The following ACTR1A variants were observed in gnomAD, a reference collection of about 807,000 sequenced individuals.
ACTR1A encodes the protein actin related protein 1A.
A neutral mutation model predicts 50.7 loss-of-function variants in ACTR1A; 10 were observed. The observed-to-expected ratio is 0.20, with a 90% CI of 0.12 to 0.33. ACTR1A has a LOEUF of 0.33. Ranked by LOEUF, ACTR1A falls within the 10% of genes least tolerant of loss-of-function variation. The probability of loss-of-function intolerance (pLI) is 1.00; values close to 1 mark genes in which losing one functional copy is unlikely to be tolerated. For synonymous variants in ACTR1A, 177 were observed against 184.2 expected (o/e 0.96, Z 0.32); for missense variants, 253 against 491.7 (o/e 0.51, Z 4.59).
At chr10:102,493,613 T>A (rs180722905) in intron 1 of ACTR1A, among the ~76,000 whole-genome samples, 57 of 152,346 alleles carry the variant, frequency 3.7e-4, no homozygotes, top group African/African-American at 1.3e-3. Context: ...TGAATGATCA[T>A]CTTCCTATTA....
intron 2 of ACTR1A, 41 bp from the exon 3 acceptor site, chr10:102,489,179 TGACA>T: frequency 2.7e-6 from 4 of 1,464,852 alleles, no homozygotes; most frequent in Non-Finnish European, 3.7e-6. Context: ...TTTCATTTCA[TGACA>T]GAACACAGGA....
chr10:102,502,626 C>T lies in ACTR1A; in HGVS notation c.22G>A (p.Ala8Thr). Residue 8 changes from alanine (A) to threonine (T), a missense_variant, in exon 1 of 11, where the codon GCC becomes ACC. Coordinates refer to ENST00000369905, the MANE Select transcript of ACTR1A (RefSeq NM_005736.4). The stretch of plus-strand genomic sequence containing the variant: ...TTGTCGATCACGACAGGCTGGTTGG[C>T]GATCACATCGTAGGACTCCATGGCA... The part of the protein sequence containing the change: MESYDVI[A>T]NQPVVIDNGS... 1 of 1,614,206 alleles carries T rather than the reference C, an allele frequency of 6.2e-7. No homozygotes were observed. Among genetic ancestry groups the T allele is most frequent in the African/African-American group, 1.3e-5 (1 of 75,052 alleles).
intron 1 of ACTR1A, among the ~76,000 whole-genome samples, chr10:102,491,924 C>T (rs1460924966): frequency 6.8e-6 from 1 of 146,888 alleles, no homozygotes; most frequent in Non-Finnish European, 1.5e-5. Flanking sequence ...CACCAGCATG[C>T]CTGGCTAATT....
At chr10:102,498,635 ATTT>A (rs762412530) in intron 1 of ACTR1A, among the ~76,000 whole-genome samples, 1 of 144,678 alleles carries the variant, frequency 6.9e-6, no homozygotes, top group Admixed American at 6.9e-5. Flanking sequence ...AGCCTGGCTA[ATTT>A]TTTTTTTTTT....
rs1457575601 is a variant in ACTR1A, at chr10:102,488,519, C to T, written c.190-244G>A. Among the ~76,000 whole-genome samples, 1 of 152,198 alleles carries T rather than the reference C, an allele frequency of 6.6e-6. No individual in the cohort carries two copies. The highest frequency in any genetic ancestry group is 2.4e-5 in the African/African-American group (1 of 41,444). ...CAGGGGCTTCTGCATTTCCATGGCCCCTCAGGTGCCTCTAGGGCAAGTGGC... is the reference window on the plus strand; with the variant it reads ...CAGGGGCTTCTGCATTTCCATGGCCTCTCAGGTGCCTCTAGGGCAAGTGGC... On this transcript the variant is annotated intron_variant, in intron 3 of 10. Transcript: ENST00000369905. The surrounding 1 kb of genome is among the most constrained non-coding windows in gnomAD (Gnocchi z 4.4).
chr10:102,501,476 C>G (rs1463691229), intron 1 of ACTR1A, among the ~76,000 whole-genome samples: 1 of 152,212 alleles, frequency 6.6e-6, no homozygotes, highest in African/African-American at 2.4e-5. Flanking sequence ...GGGACACAGA[C>G]AGGGATCAAT....
chr10:102,493,890 G>A (rs2062207015), intron 1 of ACTR1A, among the ~76,000 whole-genome samples: 1 of 152,210 alleles, frequency 6.6e-6, no homozygotes, highest in African/African-American at 2.4e-5. Flanking sequence ...AGGCAGAGGC[G>A]GTTCAGCAAA....
rs377458557 is a variant in ACTR1A, at chr10:102,480,966, C to A, written c.1029-1G>T. On this transcript the variant is annotated splice_acceptor_variant, in intron 10 of 10. Transcript: ENST00000369905. LOFTEE classifies it high-confidence loss of function. ...GTCCAGGGAGGCAAGGATGGAGCCC[C>A]TGGAGGGAGGAAACCCAGAGGAACT... The A allele has an allele frequency of 6.2e-7, 1 of 1,611,940 alleles. No homozygotes were observed. Among genetic ancestry groups the A allele is most frequent in the Non-Finnish European group, 8.5e-7 (1 of 1,178,130 alleles).
At chr10:102,493,544 A>G (rs2062205735) in intron 1 of ACTR1A, among the ~76,000 whole-genome samples, 2 of 152,248 alleles carry the variant, frequency 1.3e-5, no homozygotes, top group Admixed American at 1.3e-4. Context: ...AGCAAAGAGT[A>G]TAAAAAGCCC....
chr10:102,480,588 G>T lies in ACTR1A; in HGVS notation c.*275C>A. On this transcript the variant is annotated 3_prime_UTR_variant, in exon 11 of 11. Coordinates refer to ENST00000369905, the MANE Select transcript of ACTR1A (RefSeq NM_005736.4). ...CGGAGTCCCCCACAGCCAGCCAGAG[G>T]CCACCTGAGGAGGGAGCACAGCCTC... 1 of 479,264 alleles carries T rather than the reference G, an allele frequency of 2.1e-6. No homozygotes were observed. Among genetic ancestry groups the T allele is most frequent in the Non-Finnish European group, 3.8e-6 (1 of 265,410 alleles). The allele number at this position is 479,264 out of a possible 1,614,324, so 29.7% of individuals were successfully genotyped here. A position where few individuals can be genotyped will look rare whatever the true frequency, so the allele number is the denominator to read the frequency against.
At chr10:102,486,101 T>C (rs7898410) in intron 4 of ACTR1A, among the ~76,000 whole-genome samples, 53,577 of 151,918 alleles carry the variant, frequency 0.35, 9,620 homozygotes, top group African/African-American at 0.4. Context: ...GGAACCAGGC[T>C]GCACAGCAGG....
intron 1 of ACTR1A, among the ~76,000 whole-genome samples, chr10:102,497,055 T>C (rs1015320479): frequency 4.0e-5 from 6 of 151,802 alleles, no homozygotes; most frequent in African/African-American, 1.5e-4. Flanking sequence ...GGTGCATGCC[T>C]GTAGTCCCAA....
chr10:102,502,485 G>T (rs1227741920), intron 1 of ACTR1A, 115 bp downstream of exon 1: 5 of 1,165,364 alleles, frequency 4.3e-6, no homozygotes, highest in Admixed American at 1.9e-5. Context: ...GGCTGAACGC[G>T]CCTGACAGGC....
intron 2 of ACTR1A, 36 bp downstream of exon 2, chr10:102,490,513 G>A: frequency 6.4e-7 from 1 of 1,569,446 alleles, no homozygotes; most frequent in Non-Finnish European, 8.8e-7. Context: ...CAAAGCTGAT[G>A]AGCCTCCAAA....
At chr10:102,502,226 G>T (rs945894172) in intron 1 of ACTR1A, among the ~76,000 whole-genome samples, 1 of 152,240 alleles carries the variant, frequency 6.6e-6, no homozygotes, top group Non-Finnish European at 1.5e-5. Flanking sequence ...GCCTCATCCG[G>T]CAAGGCTAAG....
Position 102,502,691 on chromosome 10 carries a change from G to A in ACTR1A, c.-44C>T, listed in dbSNP as rs769748898. The A allele has an allele frequency of 3.1e-6, 5 of 1,609,440 alleles. No homozygotes were observed. The highest frequency in any genetic ancestry group is 1.7e-5 in the Admixed American group (1 of 59,884). On this transcript the variant is annotated 5_prime_UTR_variant, in exon 1 of 11. Transcript: ENST00000369905. The stretch of plus-strand genomic sequence containing the variant: ...TCTGGGGAAGGAACTGCCCAGCCGG[G>A]TCCGCCGCTAGCGCCACTGACACGC...
At chr10:102,495,548 G>A (rs953408662) in intron 1 of ACTR1A, among the ~76,000 whole-genome samples, 2 of 150,412 alleles carry the variant, frequency 1.3e-5, no homozygotes, top group South Asian at 2.1e-4. Flanking sequence ...CAGCCTGGAC[G>A]ACAGTGCGAG....
At chr10:102,498,308 A>C (rs2062231882) in intron 1 of ACTR1A, among the ~76,000 whole-genome samples, 1 of 148,500 alleles carries the variant, frequency 6.7e-6, no homozygotes. Flanking sequence ...TGTGTGTTTA[A>C]AGTATCTCTC....
At chr10:102,497,540 C>T (rs555509705) in intron 1 of ACTR1A, among the ~76,000 whole-genome samples, 1 of 151,396 alleles carries the variant, frequency 6.6e-6, no homozygotes, top group Non-Finnish European at 1.5e-5. Context: ...TGAGCTACGA[C>T]TGCAGCACTG....
Sources: allele counts gnomAD v4.1 joint callset (sites outside exome capture counted in the v4.1 genomes callset), GRCh38; gene constraint gnomAD v4.1.1; non-coding constraint Gnocchi (gnomAD v3.1); transcripts MANE v1.5; gene names NCBI Gene and HGNC (gene_info 2026-07-23, HGNC 2026-07-21).